RPAP1: variants seen among roughly 807,000 people sequenced by gnomAD.
RPAP1 encodes the protein RNA polymerase II-associated protein 1.
RPAP1 carries 109 observed loss-of-function variants against 142.4 expected under a neutral mutation model. That is an observed-to-expected ratio of 0.77 (90% CI 0.66 to 0.90). RPAP1 has a LOEUF of 0.90. Among genes scored for constraint, RPAP1 ranks in the 40% least tolerant of loss-of-function variants. The pLI, the probability that RPAP1 is intolerant of heterozygous loss-of-function variation, is 0.00. For missense variants in RPAP1, 1,546 were observed against 1,751.7 expected, an observed-to-expected ratio of 0.88 and a Z score of 2.10; for synonymous variants, 704 against 738.9, an observed-to-expected ratio of 0.95 and a Z score of 0.77.
At position 41,535,063 on chromosome 15, in the gene RPAP1, AC is replaced by A. The variant is rs920686760; in HGVS notation, c.542-129del. ...GACCCAAACTTTCCTCAGAGTGGAG[AC>A]CCCACTGGGTCTGGCACAGGGACTC... is the stretch of plus-strand genomic sequence containing the variant. On this transcript the variant is annotated intron_variant, in intron 5 of 24. Transcript: ENST00000304330. The A allele has an allele frequency of 2.4e-4, 206 of 840,978 alleles. 1 individual carries two copies. In the African/African-American group the frequency reaches 3.4e-3, roughly 14 times the overall value. 52.1% of individuals were successfully genotyped at this position (840,978 alleles called of 1,614,324 possible).
intron 7 of RPAP1, among the ~76,000 whole-genome samples, chr15:41,530,760 G>A (rs1233535976): frequency 6.6e-6 from 1 of 152,198 alleles, no homozygotes; most frequent in Non-Finnish European, 1.5e-5. Flanking sequence ...GGGAGCGGGT[G>A]GAGTGGGATT....
rs542148991 is a variant in RPAP1 at position 41,531,591 on chromosome 15, G to GCACA, written c.764-393_764-390dup. Among the ~76,000 whole-genome samples, 138 of 126,648 alleles carry GCACA rather than the reference G, an allele frequency of 1.1e-3. 1 individual carries two copies. The highest frequency in any genetic ancestry group is 5.1e-3 in the South Asian group (17 of 3,344). The allele number at this position is 126,648 out of a possible 152,430, so 83.1% of individuals were successfully genotyped here. Reference sequence around the variant, plus strand: ...TCCTTCTCTTAGCTAATTTATTTATGCACACACACATATATATATATATAT... The same window carrying GCACA: ...TCCTTCTCTTAGCTAATTTATTTATGCACACACACACACATATATATATATATAT... On this transcript the variant is annotated intron_variant, in intron 6 of 24. Coordinates refer to ENST00000304330, the MANE Select transcript of RPAP1 (RefSeq NM_015540.4).
At chr15:41,540,775 G>A (rs1377022572) in intron 1 of RPAP1, among the ~76,000 whole-genome samples, 1 of 152,148 alleles carries the variant, frequency 6.6e-6, no homozygotes, top group Non-Finnish European at 1.5e-5. Flanking sequence ...TGGGTGTCCT[G>A]GAAGTCTGGA....
chr15:41,525,799 C>A (rs546105907), intron 14 of RPAP1, among the ~76,000 whole-genome samples: 1 of 152,102 alleles, frequency 6.6e-6, no homozygotes, highest in Admixed American at 6.6e-5. Context: ...GGATTACAGG[C>A]GCATGCCACC....
chr15:41,522,106 G>A lies in RPAP1; in HGVS notation c.2887C>T (p.Gln963Ter), dbSNP rs1346353730. Residue 963 changes from glutamine to a stop codon, truncating the protein, a stop_gained, in exon 20 of 25, where the codon CAG becomes TAG. Transcript: ENST00000304330. LOFTEE classifies it high-confidence loss of function. ...CAGACAGGGGGACCTACCGCTTTCT[G>A]GGCCAGAGCGAGTGCCAGGTACTGC... ...HLQYLALALA[Q>*]KAAALQPLPA... The A allele has an allele frequency of 6.2e-7, 1 of 1,613,358 alleles. No individual in the cohort carries two copies. Among genetic ancestry groups the A allele is most frequent in the African/African-American group, 1.3e-5 (1 of 74,892 alleles).
chr15:41,538,399 C>A (rs1273702254), intron 1 of RPAP1, among the ~76,000 whole-genome samples: 1 of 152,126 alleles, frequency 6.6e-6, no homozygotes, highest in African/African-American at 2.4e-5. Flanking sequence ...GCCCCAAATC[C>A]ACAGTAAATG....
chr15:41,523,013 C>G (rs987977797), intron 18 of RPAP1, 53 bp from the exon 19 acceptor site: 1 of 1,428,490 alleles, frequency 7.0e-7, no homozygotes, highest in Non-Finnish European at 9.3e-7. Flanking sequence ...GTGTGCCAAG[C>G]TGGAAAGAGC....
At chr15:41,531,282 C>T (rs1255219363) in intron 6 of RPAP1, 80 bp from the exon 7 acceptor site, 10 of 1,392,324 alleles carry the variant, frequency 7.2e-6, no homozygotes, top group African/African-American at 1.4e-5. Flanking sequence ...CGCTGAATAT[C>T]GCCTGTCTGT....
intron 4 of RPAP1, among the ~76,000 whole-genome samples, chr15:41,535,921 G>A (rs1329110287): frequency 6.6e-6 from 1 of 152,126 alleles, no homozygotes; most frequent in Non-Finnish European, 1.5e-5. Flanking sequence ...TGGGAATAAG[G>A]ACTCCTCATC....
chr15:41,530,957 G>C lies in RPAP1; in HGVS notation c.943+66C>G, dbSNP rs528310418. On this transcript the variant is annotated intron_variant, in intron 7 of 24. Coordinates refer to ENST00000304330, the MANE Select transcript of RPAP1 (RefSeq NM_015540.4). ...GCTTCTCTCTTCTCTCATTTGCCAGGCCTAGGAAAAGGGACAATTTCCCCT... is the reference window on the plus strand; with the variant it reads ...GCTTCTCTCTTCTCTCATTTGCCAGCCCTAGGAAAAGGGACAATTTCCCCT... The C allele has an allele frequency of 1.4e-5, 20 of 1,471,040 alleles. No individual in the cohort carries two copies. In the East Asian group the frequency reaches 3.4e-4, roughly 25 times the overall value. The allele number at this position is 1,471,040 out of a possible 1,614,324, so 91.1% of individuals were successfully genotyped here.
Position 41,536,196 on chromosome 15 carries a change from G to A in RPAP1, c.353C>T (p.Ala118Val). ...ACCACTGGGCACAGGCAGATTCACG[G>A]CCACTGAACTTGTATCTCGTTCCTG... is the stretch of plus-strand genomic sequence containing the variant. The part of the protein sequence containing the change: ...KIIERDTSSV[A>V]VNLPVPSGVA... Residue 118 changes from alanine to valine, a missense_variant, in exon 4 of 25, where the codon GCC (alanine) becomes GTC (valine). Transcript: ENST00000304330. 1 of 1,614,040 alleles carries A rather than the reference G, an allele frequency of 6.2e-7. No homozygotes were observed. The highest frequency in any genetic ancestry group is 8.5e-7 in the Non-Finnish European group (1 of 1,179,984).
At chr15:41,529,222 C>T (rs146020445) in intron 9 of RPAP1, among the ~76,000 whole-genome samples, 1 of 152,174 alleles carries the variant, frequency 6.6e-6, no homozygotes, top group Admixed American at 6.6e-5. Flanking sequence ...GTAATCCCAG[C>T]TAGTCAGGAG....
At chr15:41,534,339 A>G (rs1345453828) in intron 6 of RPAP1, among the ~76,000 whole-genome samples, 1 of 151,452 alleles carries the variant, frequency 6.6e-6, no homozygotes, top group Non-Finnish European at 1.5e-5. Context: ...AATCTCTTGA[A>G]CCCGGGAGGC....
chr15:41,524,189 G>A lies in RPAP1; in HGVS notation c.2141C>T (p.Pro714Leu). ...TATCCGCTGCATGGACAGGGGTTGA[G>A]GTGGGTGGGTGCTGAGCTCCCGCGG... ...VVPRELSTHP[P>L]QPLSMQRIAS... Residue 714 changes from proline to leucine, a missense_variant, in exon 16 of 25, where the codon CCT becomes CTT. Physicochemically the swap from Pro to Leu is moderately conservative, Grantham distance 98. Transcript: ENST00000304330. The A allele has an allele frequency of 1.3e-6, 2 of 1,590,682 alleles. No homozygotes were observed. The highest frequency in any genetic ancestry group is 1.7e-6 in the Non-Finnish European group (2 of 1,166,976).
At chr15:41,539,102 G>T (rs912832122) in intron 1 of RPAP1, among the ~76,000 whole-genome samples, 6 of 152,046 alleles carry the variant, frequency 3.9e-5, no homozygotes, top group Non-Finnish European at 7.4e-5. Context: ...TAAAAGCCAT[G>T]AATTGTAAAC....
intron 23 of RPAP1, 62 bp from the exon 24 acceptor site, chr15:41,517,919 C>A: frequency 6.2e-7 from 1 of 1,613,300 alleles, no homozygotes; most frequent in South Asian, 1.1e-5. Context: ...ACTGGCCTTG[C>A]TTGACACTTA....
chr15:41,523,445 C>T (rs2051752665), intron 17 of RPAP1, 91 bp from the exon 18 acceptor site: 1 of 840,626 alleles, frequency 1.2e-6, no homozygotes, highest in South Asian at 1.7e-5. Context: ...ATCCCAACAG[C>T]CCAAAAGAGC....
rs140474963 is a variant in RPAP1 at position 41,534,862 on chromosome 15, C to A, written c.615G>T (p.Gln205His). 135 of 1,614,102 alleles carry A rather than the reference C, an allele frequency of 8.4e-5. No homozygotes were observed. In the African/African-American group the frequency reaches 1.6e-3, roughly 19 times the overall value. ...CCTTCCCTGTGACCAGATTGGGTCC[C>A]TGAAAGCTGTGGCTGCTCCCAGGAA... ...CQLPGSSHSF[Q>H]GPNLVTGKGL... Residue 205 changes from glutamine (Q) to histidine (H), a missense_variant, in exon 6 of 25, where the codon CAG (glutamine) becomes CAT (histidine). Physicochemically the swap from Gln to His is conservative, Grantham distance 24. Coordinates refer to ENST00000304330, the MANE Select transcript of RPAP1 (RefSeq NM_015540.4).
At chr15:41,536,387 G>A in intron 3 of RPAP1, 114 bp downstream of exon 3, 3 of 1,444,250 alleles carry the variant, frequency 2.1e-6, no homozygotes, top group African/African-American at 1.4e-5. Context: ...GACCTCAGGG[G>A]TAAAAGTCTA....
Sources: allele counts gnomAD v4.1 joint callset (sites outside exome capture counted in the v4.1 genomes callset), GRCh38; gene constraint gnomAD v4.1.1; transcripts MANE v1.5; gene names NCBI Gene and HGNC (gene_info 2026-07-23, HGNC 2026-07-21).